The following PCDHA6 variants were observed in gnomAD, a reference collection of about 807,000 sequenced individuals.
PCDHA6 encodes protocadherin alpha-6.
A neutral mutation model predicts 60.3 loss-of-function variants in PCDHA6; 55 were observed. The observed-to-expected ratio is 0.91, with a 90% CI of 0.73 to 1.14. PCDHA6 has a LOEUF of 1.14. Among genes scored for constraint, PCDHA6 ranks in the 50% most tolerant of loss-of-function variants. The pLI is 0.00. For synonymous variants in PCDHA6, 652 were observed against 557.9 expected (o/e 1.17, Z -2.38); for missense variants, 1,327 against 1,256.5 (o/e 1.06, Z -0.85).
At chr5:140,842,617 G>A (rs2150340722) in intron 1 of PCDHA6, 15 of 1,572,174 alleles carry the variant, frequency 9.5e-6, no homozygotes, top group South Asian at 7.8e-5. Context: ...ACGGGGGCTC[G>A]CCTTCGCTGT....
At position 141,011,042 on chromosome 5, in the gene PCDHA6, T is replaced by G. The variant is rs915588789; in HGVS notation, c.*1105T>G. 6.5e-6 allele frequency: 1 copy of G among 153,796 alleles called. No individual in the cohort carries two copies. The highest frequency in any genetic ancestry group is 2.4e-5 in the African/African-American group (1 of 41,464). The allele number at this position is 153,796 out of a possible 1,614,324, so 9.5% of individuals were successfully genotyped here. A position where few individuals can be genotyped will look rare whatever the true frequency, so the allele number is the denominator to read the frequency against. On this transcript the variant is annotated 3_prime_UTR_variant, in exon 4 of 4. Transcript: ENST00000529310. ...TCACAGCTTTACTCTTTCAGGTCACTCTGGGGCTGCCTCTTGCATGTATTA... is the reference window on the plus strand; with the variant it reads ...TCACAGCTTTACTCTTTCAGGTCACGCTGGGGCTGCCTCTTGCATGTATTA...
intron 1 of PCDHA6, among the ~76,000 whole-genome samples, chr5:140,939,338 G>A (rs2092369072): frequency 6.6e-6 from 1 of 152,116 alleles, no homozygotes; most frequent in South Asian, 2.1e-4. Context: ...TTAGGGGTTA[G>A]CATTTCAACT....
At chr5:140,967,733 C>T (rs1473723959) in intron 1 of PCDHA6, 7 of 1,614,024 alleles carry the variant, frequency 4.3e-6, no homozygotes, top group Non-Finnish European at 5.9e-6. Context: ...AATTGGGGGG[C>T]TGGATTATGA....
chr5:140,901,232 AT>A (rs2068522830), intron 1 of PCDHA6, among the ~76,000 whole-genome samples: 4 of 152,022 alleles, frequency 2.6e-5, no homozygotes, highest in East Asian at 1.9e-4. Context: ...CCATATATCC[AT>A]TTTTTTCCTT....
intron 1 of PCDHA6, chr5:140,835,486 T>C: frequency 6.2e-7 from 1 of 1,613,894 alleles, no homozygotes. Flanking sequence ...CCAGGTACCG[T>C]CATCACATTG....
chr5:140,900,187 T>C (rs529700623), intron 1 of PCDHA6, among the ~76,000 whole-genome samples: 1 of 152,346 alleles, frequency 6.6e-6, no homozygotes, highest in Non-Finnish European at 1.5e-5. Context: ...ATGTCACTTA[T>C]AATGACATCC....
At position 140,932,218 on chromosome 5, in the gene PCDHA6, T is replaced by G. The variant is rs556134668; in HGVS notation, c.2395-46731T>G. ...TCTGTTAATATTCTTGATGGGCAATTTAAATTTTTTAGAATGGTATCTAAG... is the reference window on the plus strand; with the variant it reads ...TCTGTTAATATTCTTGATGGGCAATGTAAATTTTTTAGAATGGTATCTAAG... On this transcript the variant is annotated intron_variant, in intron 1 of 3. Coordinates refer to ENST00000529310, the MANE Select transcript of PCDHA6 (RefSeq NM_018909.4). Among the ~76,000 whole-genome samples, 20 of 152,034 alleles carry G rather than the reference T, an allele frequency of 1.3e-4. 1 individual carries two copies. Among genetic ancestry groups the G allele is most frequent in the Middle Eastern group, 3.4e-3 (1 of 292 alleles).
chr5:140,852,585 T>TTA (rs1554145908), intron 1 of PCDHA6: 28 of 874,450 alleles, frequency 3.2e-5, no homozygotes, highest in Admixed American at 6.4e-5. Flanking sequence ...CTTTTTTATT[T>TTA]TTTTTTTTTG....
intron 1 of PCDHA6, chr5:140,868,993 T>C (rs1441909187): frequency 1.3e-6 from 2 of 1,515,702 alleles, no homozygotes; most frequent in Non-Finnish European, 8.8e-7. Context: ...TGCCACCGTT[T>C]AAGGATCCTT....
intron 1 of PCDHA6, chr5:140,835,026 A>G: frequency 1.5e-6 from 2 of 1,336,268 alleles, no homozygotes; most frequent in Non-Finnish European, 2.0e-6. Context: ...GCTCACGGCC[A>G]CCGATGGAGG....
At chr5:140,850,634 C>T (rs2150491694) in intron 1 of PCDHA6, 2 of 1,598,662 alleles carry the variant, frequency 1.3e-6, no homozygotes, top group South Asian at 1.1e-5. Flanking sequence ...TGTTGGTTCT[C>T]ACGCTGCTGC....
chr5:140,967,018 G>T, intron 1 of PCDHA6: 1 of 1,607,168 alleles, frequency 6.2e-7, no homozygotes, highest in Non-Finnish European at 8.5e-7. Context: ...ATCTGGGTGC[G>T]CCCAGTCCGC....
chr5:140,837,266 T>C (rs1774990691), intron 1 of PCDHA6: 1 of 152,238 alleles, frequency 6.6e-6, no homozygotes, highest in African/African-American at 2.4e-5. Context: ...CATATTTGTG[T>C]AGCACTGACT....
At chr5:140,870,552 G>T in intron 1 of PCDHA6, 4 of 1,614,042 alleles carry the variant, frequency 2.5e-6, no homozygotes, top group Non-Finnish European at 2.5e-6. Flanking sequence ...ACGCGGACGC[G>T]CAGGAGAACG....
At position 140,835,207 on chromosome 5, in the gene PCDHA6, G is replaced by A. The variant is rs2150231838; in HGVS notation, c.2394+4722G>A. The A allele has an allele frequency of 5.0e-5, 79 of 1,567,382 alleles. No individual in the cohort carries two copies. Among genetic ancestry groups the A allele is most frequent in the Non-Finnish European group, 6.5e-5 (75 of 1,153,980 alleles). On this transcript the variant is annotated intron_variant, in intron 1 of 3. Coordinates refer to ENST00000529310, the MANE Select transcript of PCDHA6 (RefSeq NM_018909.4). Reference sequence around the variant, plus strand: ...TCAGATTTAGACGAAGGCTTGAATGGGGATATTATTTACTCCTTCTCCAGT... The same window carrying A: ...TCAGATTTAGACGAAGGCTTGAATGAGGATATTATTTACTCCTTCTCCAGT...
chr5:140,863,256 C>T (rs761621534), intron 1 of PCDHA6: 6 of 1,442,182 alleles, frequency 4.2e-6, no homozygotes, highest in Non-Finnish European at 4.7e-6. Flanking sequence ...GCGTCGAGGT[C>T]CGGGAGGCAG....
intron 3 of PCDHA6, among the ~76,000 whole-genome samples, chr5:140,997,165 G>A (rs1554255769): frequency 6.6e-6 from 1 of 151,976 alleles, no homozygotes; most frequent in African/African-American, 2.4e-5. Flanking sequence ...CCTGCCCAGA[G>A]TGGTACATTC....
chr5:141,000,387 CTCTCTCTCTATATATA>C (rs1282156924), intron 3 of PCDHA6, among the ~76,000 whole-genome samples: 8 of 66,888 alleles, frequency 1.2e-4, no homozygotes, highest in African/African-American at 4.0e-4. Flanking sequence ...CTCTCTCTCT[CTCTCTCTCTATATATA>C]TATATATATA....
intron 1 of PCDHA6, among the ~76,000 whole-genome samples, chr5:140,941,764 A>T (rs116374830): frequency 2.0e-5 from 3 of 152,190 alleles, no homozygotes. Flanking sequence ...TGCTTTTAAG[A>T]TAATTGTTTT....
Sources: gnomAD v4.1 joint callset for allele counts (sites outside exome capture counted in the v4.1 genomes callset) on GRCh38, gnomAD v4.1.1 for gene constraint, MANE v1.5 for transcripts, NCBI Gene and HGNC (gene_info 2026-07-23, HGNC 2026-07-21) for gene names.